The following PIEZO2 variants were observed in gnomAD, a reference collection of about 807,000 sequenced individuals.
The protein encoded by PIEZO2 is piezo-type mechanosensitive ion channel component 2.
PIEZO2 carries 172 observed loss-of-function variants against 337.3 expected under a neutral mutation model. The observed-to-expected ratio is 0.51, with a 90% CI of 0.45 to 0.58. PIEZO2 has a LOEUF of 0.58. Among genes scored for constraint, PIEZO2 ranks in the 20% least tolerant of loss-of-function variants. The pLI is 0.00. For missense variants in PIEZO2, 3,028 were observed against 3,391.3 expected (o/e 0.89, Z 2.66); for synonymous variants, 1,251 against 1,228.5 (o/e 1.02, Z -0.38).
chr18:10,987,475 A>G (rs1469204388), intron 2 of PIEZO2, among the ~76,000 whole-genome samples: 3 of 152,156 alleles, frequency 2.0e-5, no homozygotes, highest in Non-Finnish European at 4.4e-5. Flanking sequence ...TAGTCTCTTC[A>G]ATAAACAGTA....
At chr18:11,036,676 A>G (rs139865138) in intron 2 of PIEZO2, among the ~76,000 whole-genome samples, 44 of 152,250 alleles carry the variant, frequency 2.9e-4, no homozygotes, top group African/African-American at 9.4e-4. Context: ...GGTTTCACCA[A>G]TGTAACCGAT....
chr18:10,777,070 A>G (rs2038816480), intron 18 of PIEZO2, among the ~76,000 whole-genome samples: 1 of 152,232 alleles, frequency 6.6e-6, no homozygotes, highest in African/African-American at 2.4e-5. Flanking sequence ...GATGATGAAC[A>G]GGATTCCCGG....
intron 26 of PIEZO2, 62 bp from the exon 27 acceptor site, chr18:10,758,196 C>T: frequency 6.8e-7 from 1 of 1,477,286 alleles, no homozygotes; most frequent in South Asian, 1.3e-5. Flanking sequence ...CATAATGCAA[C>T]ACACAGTCAT....
rs371890622 is a variant in PIEZO2, at chr18:10,696,473, G to A, written c.6894C>T (p.Ala2298=). 1.1e-5 allele frequency: 17 copies of A among 1,614,136 alleles called. No individual in the cohort carries two copies. Among genetic ancestry groups the A allele is most frequent in the East Asian group, 2.2e-5 (1 of 44,886 alleles). ...FYNLIHPEYS[A]VTDVYVLMFL... ...ACATGAGTACATACACGTCAGTCACGGCGCTATACTCCGGGTGGATGAGGT... is the reference window on the plus strand; with the variant it reads ...ACATGAGTACATACACGTCAGTCACAGCGCTATACTCCGGGTGGATGAGGT... Residue 2298 remains alanine, a synonymous_variant, in exon 46 of 56, where the codon GCC becomes GCT. Transcript: ENST00000674853.
intron 3 of PIEZO2, among the ~76,000 whole-genome samples, chr18:10,974,605 G>A (rs1039690): frequency 0.033 from 5,000 of 152,280 alleles, 142 homozygotes; most frequent in Middle Eastern, 0.071. Flanking sequence ...AAAGAGCTCC[G>A]TAAAGATGGG....
rs1383960820 is a variant in PIEZO2, at chr18:10,969,733, C to A, written c.286+9802G>T. On this transcript the variant is annotated intron_variant, in intron 3 of 55. Coordinates refer to ENST00000674853, the MANE Select transcript of PIEZO2 (RefSeq NM_001378183.1). This position sits in a 1 kb window ranked among gnomAD's most constrained non-coding sequence, Gnocchi z 4.5. ...ATCTGAGCAGGATTTGGGGTATGCACCTGTAGGAGAGGAGTGAGGGGACAG... is the reference window on the plus strand; with the variant it reads ...ATCTGAGCAGGATTTGGGGTATGCAACTGTAGGAGAGGAGTGAGGGGACAG... Among the ~76,000 whole-genome samples the A allele has an allele frequency of 6.6e-6, 1 of 151,756 alleles. No individual in the cohort carries two copies. The highest frequency in any genetic ancestry group is 1.5e-5 in the Non-Finnish European group (1 of 67,946).
In PIEZO2 at chr18:10,713,823, G is replaced by A. The variant is rs187599139; in HGVS notation, c.5423+941C>T. 1.5e-3 allele frequency among the ~76,000 whole-genome samples: 229 copies of A among 152,282 alleles called. 2 individuals are homozygous for A. The highest frequency in any genetic ancestry group is 5.3e-3 in the African/African-American group (221 of 41,564). On this transcript the variant is annotated intron_variant, in intron 39 of 55. Coordinates refer to ENST00000674853, the MANE Select transcript of PIEZO2 (RefSeq NM_001378183.1). The surrounding 1 kb of genome is among the most constrained non-coding windows in gnomAD (Gnocchi z 4.5). ...TATAAGGTGTAATTCATTTGGTCTA[G>A]CGCTTCACCCTAACAAGGCGATTTT...
chr18:10,778,311 C>G (rs1455414738), intron 18 of PIEZO2, among the ~76,000 whole-genome samples: 1 of 151,104 alleles, frequency 6.6e-6, no homozygotes, highest in African/African-American at 2.4e-5. Flanking sequence ...ATAACGTTTC[C>G]TTTGAGGCAC....
At chr18:10,722,051 G>A (rs2036333795) in intron 36 of PIEZO2, among the ~76,000 whole-genome samples, 1 of 151,680 alleles carries the variant, frequency 6.6e-6, no homozygotes. Flanking sequence ...CTACTCAGGA[G>A]GCTGAGGCAG....
At chr18:10,704,784 A>T in intron 41 of PIEZO2, 132 bp from the exon 42 acceptor site, 1 of 1,092,062 alleles carries the variant, frequency 9.2e-7, no homozygotes, top group Non-Finnish European at 1.3e-6. Flanking sequence ...TCCCGAACTC[A>T]AGCCATTCTC....
chr18:11,046,252 A>T (rs944497113), intron 2 of PIEZO2, among the ~76,000 whole-genome samples: 1 of 152,240 alleles, frequency 6.6e-6, no homozygotes, highest in Non-Finnish European at 1.5e-5. Flanking sequence ...CATATGGTTG[A>T]ATGATAGAAT....
chr18:11,059,652 G>C (rs1161167350), intron 2 of PIEZO2, among the ~76,000 whole-genome samples: 3 of 152,084 alleles, frequency 2.0e-5, no homozygotes, highest in Non-Finnish European at 2.9e-5. Context: ...GATCAAAAGA[G>C]ACAAAGAAGG....
chr18:10,726,860 GCTA>G lies in PIEZO2; in HGVS notation c.5029+4544_5029+4546del. 6.3e-7 allele frequency: 1 copy of G among 1,595,990 alleles called. No homozygotes were observed. On this transcript the variant is annotated intron_variant, in intron 36 of 55. Transcript: ENST00000674853. This position sits in a 1 kb window ranked among gnomAD's most constrained non-coding sequence, Gnocchi z 5.9. ...CCCCACCTTATGCAGGACTTGGCAC[GCTA>G]CCGGCAGCAGCTGAAGCACATCATG...
chr18:10,733,070 G>A (rs2036850160), intron 35 of PIEZO2, among the ~76,000 whole-genome samples: 1 of 152,162 alleles, frequency 6.6e-6, no homozygotes, highest in Non-Finnish European at 1.5e-5. Context: ...GAAACTGGGA[G>A]GAAAAGGGGA....
rs531991579 is a variant in PIEZO2, at chr18:11,148,603, G to T, written c.-15C>A. The T allele has an allele frequency of 2.0e-6, 3 of 1,536,978 alleles. No homozygotes were observed. The highest frequency in any genetic ancestry group is 1.2e-5 in the South Asian group (1 of 84,058). On this transcript the variant is annotated 5_prime_UTR_variant, in exon 1 of 56. Coordinates refer to ENST00000674853, the MANE Select transcript of PIEZO2 (RefSeq NM_001378183.1). This position sits in a 1 kb window ranked among gnomAD's most constrained non-coding sequence, Gnocchi z 5.2. ...TCTGAGGCCATCGCGTCGGTCCGGC[G>T]AGTCGGAGCAGAGGGGCGAGGCTCG...
At chr18:10,818,325 A>T (rs770950586) in intron 7 of PIEZO2, among the ~76,000 whole-genome samples, 1 of 152,202 alleles carries the variant, frequency 6.6e-6, no homozygotes, top group Admixed American at 6.5e-5. Context: ...ACAATAAGAA[A>T]CTAATAAGAA....
chr18:10,858,218 G>T (rs1416844888), intron 5 of PIEZO2, among the ~76,000 whole-genome samples: 1 of 149,480 alleles, frequency 6.7e-6, no homozygotes, highest in Middle Eastern at 3.2e-3. Context: ...CTACTCAGGA[G>T]GCTAAGGCAG....
chr18:10,791,198 T>C lies in PIEZO2; in HGVS notation c.1882+3A>G, dbSNP rs2039400190. 4 of 1,533,520 alleles carry C rather than the reference T, an allele frequency of 2.6e-6. No homozygotes were observed. Among genetic ancestry groups the C allele is most frequent in the Non-Finnish European group, 3.5e-6 (4 of 1,145,062 alleles). The allele number at this position is 1,533,520 out of a possible 1,614,324, so 95.0% of individuals were successfully genotyped here. A position where few individuals can be genotyped will look rare whatever the true frequency, so the allele number is the denominator to read the frequency against. Reference sequence around the variant, plus strand: ...CTCCAGCCACACATATACACTAATTTACCTTTTTCTTCATTTTCCTGACTG... The same window carrying C: ...CTCCAGCCACACATATACACTAATTCACCTTTTTCTTCATTTTCCTGACTG... On this transcript the variant is annotated splice_donor_region_variant and intron_variant, in intron 14 of 55. Coordinates refer to ENST00000674853, the MANE Select transcript of PIEZO2 (RefSeq NM_001378183.1).
Position 10,789,088 on chromosome 18 carries a change from G to A in PIEZO2, c.2160C>T (p.Ala720=), listed in dbSNP as rs1197949833. The change falls in exon 15 of 56, where the codon GCC becomes GCT. Residue 720 remains alanine (A), a synonymous_variant. Coordinates refer to ENST00000674853, the MANE Select transcript of PIEZO2 (RefSeq NM_001378183.1). ...IYMVLFLFCV[A]LYQVHYEWWR... ...TCAACTGTGTACCTACCTGGTATAGGGCCACACAGAACAGGAACAGCACCA... is the reference window on the plus strand; with the variant it reads ...TCAACTGTGTACCTACCTGGTATAGAGCCACACAGAACAGGAACAGCACCA... 12 of 1,536,732 alleles carry A rather than the reference G, an allele frequency of 7.8e-6. No homozygotes were observed. Among genetic ancestry groups the A allele is most frequent in the Admixed American group, 5.9e-5 (3 of 50,970 alleles).
Sources: allele counts gnomAD v4.1 joint callset (sites outside exome capture counted in the v4.1 genomes callset), GRCh38; gene constraint gnomAD v4.1.1; non-coding constraint Gnocchi (gnomAD v3.1); transcripts MANE v1.5; gene names NCBI Gene and HGNC (gene_info 2026-07-23, HGNC 2026-07-21).